HDAC4: variants seen among roughly 807,000 people sequenced by gnomAD.
HDAC4 encodes histone deacetylase 4.
A neutral mutation model predicts 135.1 loss-of-function variants in HDAC4; 16 were observed. The ratio of observed to expected loss-of-function variants is 0.12; its 90% CI spans 0.08 to 0.18. HDAC4 has a LOEUF of 0.18. HDAC4 is among the 10% of genes least tolerant of loss of function. The probability of loss-of-function intolerance (pLI) is 1.00; values close to 1 mark genes in which losing one functional copy is unlikely to be tolerated. For missense variants in HDAC4, 1,143 were observed against 1,511.8 expected, an observed-to-expected ratio of 0.76 and a Z score of 4.05; for synonymous variants, 685 against 653.4, an observed-to-expected ratio of 1.05 and a Z score of -0.74.
Position 239,331,650 on chromosome 2 carries a change from G to A in HDAC4, c.22+21028C>T, listed in dbSNP as rs1289061323. 1.3e-5 allele frequency among the ~76,000 whole-genome samples: 2 copies of A among 152,122 alleles called. No individual in the cohort carries two copies. The highest frequency in any genetic ancestry group is 2.1e-4 in the South Asian group (1 of 4,832). Reference sequence around the variant, plus strand: ...TCGCCAGGGCTGCACTGGACCCACCGTGCGGGGACTGCCAGGTAAACCTCA... The same window carrying A: ...TCGCCAGGGCTGCACTGGACCCACCATGCGGGGACTGCCAGGTAAACCTCA... On this transcript the variant is annotated intron_variant, in intron 2 of 26. Coordinates refer to ENST00000543185, the MANE Select transcript of HDAC4 (RefSeq NM_001378414.1). This position sits in a 1 kb window ranked among gnomAD's most constrained non-coding sequence, Gnocchi z 4.5.
At chr2:239,254,069 A>G (rs1189363597) in intron 2 of HDAC4, among the ~76,000 whole-genome samples, 2 of 152,194 alleles carry the variant, frequency 1.3e-5, no homozygotes, top group Non-Finnish European at 2.9e-5. Context: ...GTCCCTGTGG[A>G]TGTGGCCTCC....
chr2:239,280,277 T>C (rs2050628291), intron 2 of HDAC4, among the ~76,000 whole-genome samples: 2 of 152,174 alleles, frequency 1.3e-5, no homozygotes, highest in Admixed American at 1.3e-4. Flanking sequence ...TGCCTCGTAC[T>C]CCCGAGACGC....
intron 1 of HDAC4, among the ~76,000 whole-genome samples, chr2:239,396,949 T>A (rs535979002): frequency 8.0e-4 from 119 of 149,466 alleles, no homozygotes; most frequent in Middle Eastern, 3.4e-3. Context: ...CTGGGGACTT[T>A]GCAGGAGAAG....
At chr2:239,099,100 A>T (rs1171289330) in intron 16 of HDAC4, among the ~76,000 whole-genome samples, 1 of 152,218 alleles carries the variant, frequency 6.6e-6, no homozygotes, top group Non-Finnish European at 1.5e-5. Context: ...CATCTCTCTT[A>T]AACTTTGTTT....
chr2:239,286,639 T>C (rs1452347670), intron 2 of HDAC4, among the ~76,000 whole-genome samples: 1 of 152,014 alleles, frequency 6.6e-6, no homozygotes, highest in Non-Finnish European at 1.5e-5. Context: ...GGCAAACATA[T>C]GCCAAGACAA....
rs13390561 is a variant in HDAC4 at position 239,053,021 on chromosome 2, G to A, written c.*76C>T. The A allele has an allele frequency of 2.3e-3, 3,640 of 1,561,228 alleles. 83 individuals carry two copies. The African/African-American group carries it at 0.043, about 19-fold the overall frequency. On this transcript the variant is annotated 3_prime_UTR_variant, in exon 27 of 27. Transcript: ENST00000543185. ...GAGAGCCCCACGGTGGGACGCAGGC[G>A]TGACACGGGAAAGTTTCTTGGCTGA...
At chr2:239,087,904 C>T (rs2036140379) in intron 18 of HDAC4, among the ~76,000 whole-genome samples, 1 of 152,086 alleles carries the variant, frequency 6.6e-6, no homozygotes, top group South Asian at 2.1e-4. Flanking sequence ...GTCGGTGAGG[C>T]GTGGTGCCCT....
rs969527946 is a variant in HDAC4 at position 239,146,198 on chromosome 2, C to G, written c.734-1484G>C. On this transcript the variant is annotated intron_variant, in intron 7 of 26. Coordinates refer to ENST00000543185, the MANE Select transcript of HDAC4 (RefSeq NM_001378414.1). The surrounding 1 kb of genome is among the most constrained non-coding windows in gnomAD (Gnocchi z 4.5). ...TTCACAAGCTCCACTTCTATTTCCA[C>G]GCTGGGTTTCTTGCCATTATTCAAA... Among the ~76,000 whole-genome samples, 1 of 152,188 alleles carries G rather than the reference C, an allele frequency of 6.6e-6. No individual in the cohort carries two copies. The highest frequency in any genetic ancestry group is 1.9e-4 in the East Asian group (1 of 5,188).
intron 2 of HDAC4, among the ~76,000 whole-genome samples, chr2:239,347,869 G>A (rs956047027): frequency 2.6e-5 from 4 of 152,232 alleles, no homozygotes; most frequent in African/African-American, 9.7e-5. Flanking sequence ...GATTCCAGGA[G>A]CGAGAGGATG....
chr2:239,066,626 C>T, intron 24 of HDAC4, 96 bp downstream of exon 24: 7 of 1,565,906 alleles, frequency 4.5e-6, no homozygotes, highest in Non-Finnish European at 6.1e-6. Context: ...CAGAGACCCA[C>T]TGGCTTTTTC....
rs115414011 is a variant in HDAC4 at position 239,238,548 on chromosome 2, A to C, written c.23-1884T>G. Among the ~76,000 whole-genome samples the C allele has an allele frequency of 6.1e-3, 932 of 152,240 alleles. 4 individuals are homozygous for C. Among genetic ancestry groups the C allele is most frequent in the Non-Finnish European group, 1.0e-2 (680 of 68,006 alleles). The stretch of plus-strand genomic sequence containing the variant: ...AACGCCCAACCTTAGCTTCCACCTC[A>C]GCAAAAGCCCTAGAACCAGAAAGTT... On this transcript the variant is annotated intron_variant, in intron 2 of 26. Transcript: ENST00000543185.
intron 3 of HDAC4, among the ~76,000 whole-genome samples, chr2:239,219,782 A>AT: frequency 6.6e-6 from 1 of 152,376 alleles, no homozygotes; most frequent in South Asian, 2.1e-4. Context: ...AATATCAAAC[A>AT]TATTTGACCA....
chr2:239,343,567 C>T (rs1001693013), intron 2 of HDAC4, among the ~76,000 whole-genome samples: 2 of 152,264 alleles, frequency 1.3e-5, no homozygotes, highest in Non-Finnish European at 2.9e-5. Context: ...CTGTTTCAGC[C>T]TCAGGTCCTT....
intron 2 of HDAC4, among the ~76,000 whole-genome samples, chr2:239,248,522 A>AAAATGTATT (rs2048600932): frequency 6.6e-6 from 1 of 152,154 alleles, no homozygotes; most frequent in African/African-American, 2.4e-5. Context: ...CAATTCACTG[A>AAAATGTATT]AAATGTATTT....
intron 6 of HDAC4, among the ~76,000 whole-genome samples, chr2:239,157,179 A>T (rs1401296776): frequency 1.3e-5 from 2 of 152,242 alleles, no homozygotes; most frequent in Non-Finnish European, 2.9e-5. Context: ...TGCATAAGGA[A>T]TCAAAGGTGA....
chr2:239,248,641 G>A (rs952631464), intron 2 of HDAC4, among the ~76,000 whole-genome samples: 6 of 152,298 alleles, frequency 3.9e-5, no homozygotes, highest in African/African-American at 4.8e-5. Context: ...AGGAGCTGAC[G>A]ATGGTCAGGC....
At chr2:239,179,769 G>A (rs184589691) in intron 4 of HDAC4, among the ~76,000 whole-genome samples, 30 of 152,384 alleles carry the variant, frequency 2.0e-4, no homozygotes, top group Non-Finnish European at 3.2e-4. Flanking sequence ...AGCAGGGATG[G>A]GGGGCTGGGT....
intron 2 of HDAC4, among the ~76,000 whole-genome samples, chr2:239,288,470 A>C (rs2051262427): frequency 6.6e-6 from 1 of 152,250 alleles, no homozygotes; most frequent in South Asian, 2.1e-4. Flanking sequence ...TAAGACAAGG[A>C]AAATAAACAC....
chr2:239,067,671 G>C (rs1341959522), intron 23 of HDAC4, among the ~76,000 whole-genome samples: 1 of 152,192 alleles, frequency 6.6e-6, no homozygotes, highest in Non-Finnish European at 1.5e-5. Context: ...GCACGGCCTG[G>C]TGGACTGTGG....
Sources: gnomAD v4.1 joint callset for allele counts (sites outside exome capture counted in the v4.1 genomes callset) on GRCh38, gnomAD v4.1.1 for gene constraint, Gnocchi (gnomAD v3.1) non-coding constraint, MANE v1.5 for transcripts, NCBI Gene and HGNC (gene_info 2026-07-23, HGNC 2026-07-21) for gene names.